KLHL15: variants seen among roughly 807,000 people sequenced by gnomAD.
KLHL15 encodes kelch-like protein 15.
KLHL15 carries 1 observed loss-of-function variant against 29.3 expected under a neutral mutation model. The ratio of observed to expected loss-of-function variants is 0.03; its 90% CI spans 0.01 to 0.16. KLHL15 has a LOEUF of 0.16. KLHL15 is among the 10% of genes least tolerant of loss of function. The pLI, the probability that KLHL15 is intolerant of heterozygous loss-of-function variation, is 1.00. For synonymous variants in KLHL15, 212 were observed against 184.5 expected, an observed-to-expected ratio of 1.15 and a Z score of -1.21; for missense variants, 215 against 478.5, an observed-to-expected ratio of 0.45 and a Z score of 5.14.
intron 3 of KLHL15, among the ~76,000 whole-genome samples, chrX:23,997,754 A>AATTTT (rs1555975594): frequency 3.0e-5 from 2 of 67,194 alleles, no homozygotes; most frequent in Non-Finnish European, 4.7e-5. Context: ...AAAAAAAAAA[A>AATTTT]TTTTTTTTTT....
At chrX:24,005,963 T>C in intron 3 of KLHL15, 26 bp downstream of exon 3, 1 of 1,116,567 alleles carries the variant, frequency 9.0e-7, no homozygotes, top group Non-Finnish European at 1.2e-6. Flanking sequence ...TGATGAGTAC[T>C]GTCTATTGCT....
At chrX:24,016,301 C>G (rs1419417836) in intron 2 of KLHL15, among the ~76,000 whole-genome samples, 24 of 86,714 alleles carry the variant, frequency 2.8e-4, no homozygotes, top group Admixed American at 6.0e-4. Context: ...GATGGTGCCA[C>G]TGCACTCCAG....
intron 3 of KLHL15, among the ~76,000 whole-genome samples, chrX:24,004,451 T>C (rs944760827): frequency 8.9e-6 from 1 of 112,081 alleles, no homozygotes; most frequent in Non-Finnish European, 1.9e-5. Context: ...AGACAAATGA[T>C]TTACATAATT....
chrX:24,021,660 C>T (rs6526366), intron 2 of KLHL15, among the ~76,000 whole-genome samples: 44,436 of 110,206 alleles, frequency 0.4, 7,311 homozygotes, highest in South Asian at 0.76. Flanking sequence ...TATCCATCCC[C>T]GACTTAAAGA....
At chrX:23,995,279 C>T (rs1381722444) in intron 3 of KLHL15, among the ~76,000 whole-genome samples, 3 of 109,557 alleles carry the variant, frequency 2.7e-5, no homozygotes, top group African/African-American at 3.3e-5. Flanking sequence ...TGTTGGTGTG[C>T]GCCTGTAGTC....
intron 3 of KLHL15, among the ~76,000 whole-genome samples, chrX:23,999,594 CAAA>C (rs57473929): frequency 5.4e-5 from 3 of 55,461 alleles, no homozygotes. Context: ...GACTCCGTCT[CAAA>C]AAAAAAAAAA....
chrX:23,990,431 C>G (rs1929059142), intron 3 of KLHL15, among the ~76,000 whole-genome samples: 3 of 111,184 alleles, frequency 2.7e-5, no homozygotes, highest in South Asian at 7.5e-4. Flanking sequence ...GGGGACCAAG[C>G]AGAAAAATCC....
intron 2 of KLHL15, among the ~76,000 whole-genome samples, chrX:24,014,463 G>A (rs1929635036): frequency 9.1e-6 from 1 of 110,154 alleles, no homozygotes; most frequent in Non-Finnish European, 1.9e-5. Flanking sequence ...TCACGTTTCT[G>A]AAAAATACTC....
intron 2 of KLHL15, among the ~76,000 whole-genome samples, chrX:24,014,276 G>A (rs1929631687): frequency 9.0e-6 from 1 of 111,049 alleles, no homozygotes; most frequent in Non-Finnish European, 1.9e-5. Flanking sequence ...ATTTAATGAA[G>A]ATTTAATAAT....
In KLHL15 at chrX:23,987,780, G is replaced by A; in HGVS notation, c.*141C>T. On this transcript the variant is annotated 3_prime_UTR_variant, in exon 4 of 4. Coordinates refer to ENST00000328046, the MANE Select transcript of KLHL15 (RefSeq NM_030624.3). The stretch of plus-strand genomic sequence containing the variant: ...CACTGAAAAGAAAAAAAGGATGCTA[G>A]CACAGAATGAAAAATTCTTACAATG... 1.8e-6 allele frequency: 1 copy of A among 554,067 alleles called. No individual in the cohort carries two copies. The highest frequency in any genetic ancestry group is 4.2e-5 in the Admixed American group (1 of 23,954). 45.7% of individuals were successfully genotyped at this position (554,067 alleles called of 1,213,427 possible).
intron 3 of KLHL15, among the ~76,000 whole-genome samples, chrX:23,998,988 C>T (rs1929252098): frequency 9.0e-6 from 1 of 111,481 alleles, no homozygotes; most frequent in Non-Finnish European, 1.9e-5. Flanking sequence ...TCACTGCAAC[C>T]TCCGCCTCCT....
chrX:24,011,340 T>TC (rs2147107144), intron 2 of KLHL15, among the ~76,000 whole-genome samples: 1 of 96,918 alleles, frequency 1.0e-5, no homozygotes, highest in Admixed American at 1.1e-4. Flanking sequence ...ACACTGTCTC[T>TC]TAAAAAAAAA....
rs931811959 is a variant in KLHL15, at chrX:23,987,868, C to A, written c.*53G>T. The A allele has an allele frequency of 1.9e-6, 2 of 1,069,558 alleles. No individual in the cohort carries two copies. The highest frequency in any genetic ancestry group is 3.7e-5 in the African/African-American group (2 of 53,776). 88.1% of individuals were successfully genotyped at this position (1,069,558 alleles called of 1,213,427 possible). On this transcript the variant is annotated 3_prime_UTR_variant, in exon 4 of 4. Transcript: ENST00000328046. ...TTTCTTTATATGTTTTAATTAATTA[C>A]TCTGTGCAAACAAATACTTTGTTTG...
rs770766049 is a variant in KLHL15 at position 23,994,044 on chromosome X, C to G, written c.706-5014G>C. ...CCTGGGCAACAGAGTGAGACCTTGT[C>G]TCAAAAAAAAAAAAAAAAGAAAAAA... On this transcript the variant is annotated intron_variant, in intron 3 of 3. Transcript: ENST00000328046. Among the ~76,000 whole-genome samples, 9 of 81,364 alleles carry G rather than the reference C, an allele frequency of 1.1e-4. No homozygotes were observed. The East Asian group carries it at 2.5e-3, about 22-fold the overall frequency. 70.7% of individuals were successfully genotyped at this position (81,364 alleles called of 115,157 possible).
In KLHL15 at chrX:24,015,874, C is replaced by T. The variant is rs183807458; in HGVS notation, c.-8+8983G>A. ...ATTAGCCGGGCATGGTAGCTGGCAC[C>T]TGTAATCCCAGCTACTTGGGAGGCT... On this transcript the variant is annotated intron_variant, in intron 2 of 3. Coordinates refer to ENST00000328046, the MANE Select transcript of KLHL15 (RefSeq NM_030624.3). Among the ~76,000 whole-genome samples, 7 of 110,816 alleles carry T rather than the reference C, an allele frequency of 6.3e-5. No homozygotes were observed. In the East Asian group the frequency reaches 2.0e-3, roughly 31 times the overall value.
chrX:24,020,822 T>A (rs1424966997), intron 2 of KLHL15, among the ~76,000 whole-genome samples: 1 of 111,969 alleles, frequency 8.9e-6, no homozygotes, highest in Non-Finnish European at 1.9e-5. Context: ...TCACAAATAC[T>A]GTAATGTTAG....
intron 2 of KLHL15, among the ~76,000 whole-genome samples, chrX:24,015,617 C>T (rs1243085899): frequency 8.9e-6 from 1 of 112,583 alleles, no homozygotes; most frequent in Admixed American, 9.4e-5. Context: ...ATAGGTCTGG[C>T]GTCAGATGCC....
chrX:24,012,091 G>A (rs1401555338), intron 2 of KLHL15, among the ~76,000 whole-genome samples: 1 of 111,434 alleles, frequency 9.0e-6, no homozygotes, highest in Non-Finnish European at 1.9e-5. Flanking sequence ...GGAGGTGGAG[G>A]TTGCAGTGAG....
chrX:24,026,239 T>G (rs187594863), intron 1 of KLHL15, among the ~76,000 whole-genome samples: 1 of 112,181 alleles, frequency 8.9e-6, no homozygotes, highest in African/African-American at 3.2e-5. Context: ...AAAAATTGCA[T>G]GTCTGCACCA....
Sources: allele counts gnomAD v4.1 joint callset (sites outside exome capture counted in the v4.1 genomes callset), GRCh38; gene constraint gnomAD v4.1.1; transcripts MANE v1.5; gene names NCBI Gene and HGNC (gene_info 2026-07-23, HGNC 2026-07-21).